Variants in SSC5D observed in about 807,000 individuals in gnomAD.
SSC5D encodes the protein scavenger receptor cysteine rich family member with 5 domains.
A neutral mutation model predicts 104.6 loss-of-function variants in SSC5D; 106 were observed. The observed-to-expected ratio is 1.01, with a 90% CI of 0.87 to 1.19. The LOEUF is 1.19. Among genes scored for constraint, SSC5D ranks in the 50% most tolerant of loss-of-function variants. SSC5D has a pLI of 0.00. For missense variants in SSC5D, 1,993 were observed against 2,153.8 expected, an observed-to-expected ratio of 0.93 and a Z score of 1.48; for synonymous variants, 860 against 883.5, an observed-to-expected ratio of 0.97 and a Z score of 0.47.
chr19:55,493,971 GCAA>G, intron 7 of SSC5D, 59 bp downstream of exon 7: 9 of 492,786 alleles, frequency 1.8e-5, no homozygotes, highest in South Asian at 8.7e-5. Flanking sequence ...GAGCGGAGGG[GCAA>G]GTTCGGCGGG....
At chr19:55,515,353 G>A (rs936403893) in intron 13 of SSC5D, among the ~76,000 whole-genome samples, 10 of 133,842 alleles carry the variant, frequency 7.5e-5, no homozygotes, top group African/African-American at 1.1e-4. Context: ...CCAAGATCGC[G>A]CCACTGCACT....
At position 55,500,035 on chromosome 19, in the gene SSC5D, A is replaced by C. The variant is rs1194231719; in HGVS notation, c.1925A>C (p.Gln642Pro). Residue 642 changes from glutamine to proline, a missense_variant, in exon 10 of 14, where the codon CAA (glutamine) becomes CCA (proline). By Grantham distance (76) the Gln-to-Pro change is moderately conservative (BLOSUM62 -1). This residue lies in a region of SSC5D where 1,101 missense variants were observed against 1,085.0 expected (regional missense o/e 1.01). Coordinates refer to ENST00000389623, the MANE Select transcript of SSC5D (RefSeq NM_001144950.2). The surrounding 1 kb of genome is among the most constrained non-coding windows in gnomAD (Gnocchi z 4.6). Reference sequence around the variant, plus strand: ...AAAAATGCAAAGAGACCAACCACTCAACCCCCAGTGATGCCAACCACGAAA... The same window carrying C: ...AAAAATGCAAAGAGACCAACCACTCCACCCCCAGTGATGCCAACCACGAAA... ...VTKNAKRPTT[Q>P]PPVMPTTKHS... 6.4e-7 allele frequency: 1 copy of C among 1,551,714 alleles called. No homozygotes were observed. Among genetic ancestry groups the C allele is most frequent in the East Asian group, 2.4e-5 (1 of 40,930 alleles).
chr19:55,511,890 G>A (rs146110307), intron 12 of SSC5D, among the ~76,000 whole-genome samples: 1,833 of 152,246 alleles, frequency 0.012, 38 homozygotes, highest in African/African-American at 0.041. Flanking sequence ...TTGATGATTC[G>A]GATAGGCAAT....
chr19:55,495,233 ATTTTTT>A (rs74181759), intron 8 of SSC5D, among the ~76,000 whole-genome samples: 33 of 50,646 alleles, frequency 6.5e-4, no homozygotes, highest in East Asian at 1.9e-3. Flanking sequence ...ATATATATAT[ATTTTTT>A]TTTTTTTTTT....
chr19:55,500,887 TG>T lies in SSC5D; in HGVS notation c.2617+85del. ...AGGGTGGGGCCAGGTGACGGCACCATGGTCGACTCTAAAGAACTGGGTATGA... is the reference window on the plus strand; with the variant it reads ...AGGGTGGGGCCAGGTGACGGCACCATGTCGACTCTAAAGAACTGGGTATGA... On this transcript the variant is annotated intron_variant, in intron 11 of 13. Transcript: ENST00000389623. This position sits in a 1 kb window ranked among gnomAD's most constrained non-coding sequence, Gnocchi z 4.6. The T allele has an allele frequency of 1.3e-6, 2 of 1,489,336 alleles. No homozygotes were observed. 92.3% of individuals were successfully genotyped at this position (1,489,336 alleles called of 1,614,324 possible).
chr19:55,499,650 G>A (rs1599920430), intron 9 of SSC5D, among the ~76,000 whole-genome samples, 166 bp from the exon 10 acceptor site: 1 of 152,172 alleles, frequency 6.6e-6, no homozygotes, highest in East Asian at 1.9e-4. Context: ...GGTCTAATAT[G>A]GTGTGTGGCT....
In SSC5D at chr19:55,517,294, C is replaced by G. The variant is rs1987893391; in HGVS notation, c.3018C>G (p.Thr1006=). Residue 1006 remains threonine, a synonymous_variant, in exon 14 of 14, where the codon ACC becomes ACG. Transcript: ENST00000389623. ...CTGCGACCAGGACAGCGCCCCCAACCCCGTCCCCAGGTCCCTCCGCCTCTC... is the reference window on the plus strand; with the variant it reads ...CTGCGACCAGGACAGCGCCCCCAACGCCGTCCCCAGGTCCCTCCGCCTCTC... ...RPAATRTAPP[T]PSPGPSASPG... 2.6e-6 allele frequency: 4 copies of G among 1,548,714 alleles called. No individual in the cohort carries two copies. The highest frequency in any genetic ancestry group is 3.5e-6 in the Non-Finnish European group (4 of 1,146,814).
chr19:55,493,524 C>A, intron 6 of SSC5D, 71 bp from the exon 7 acceptor site: 1 of 1,304,434 alleles, frequency 7.7e-7, no homozygotes, highest in Non-Finnish European at 1.0e-6. Flanking sequence ...TTGCAGCCTG[C>A]CTGAGCATAG....
chr19:55,513,067 C>T lies in SSC5D; in HGVS notation c.2842C>T (p.Leu948=). 1 of 1,551,804 alleles carries T rather than the reference C, an allele frequency of 6.4e-7. No homozygotes were observed. The highest frequency in any genetic ancestry group is 8.7e-7 in the Non-Finnish European group (1 of 1,146,976). Residue 948 remains leucine (L), a synonymous_variant, in exon 13 of 14, where the codon CTG becomes TTG. Transcript: ENST00000389623. ...WTWDTPSGRG[L]AEGTPTAGKL... ...GTGGGACACACCATCAGGAAGGGGCCTGGCTGAGGGGACCCCTACCGCAGG... is the reference window on the plus strand; with the variant it reads ...GTGGGACACACCATCAGGAAGGGGCTTGGCTGAGGGGACCCCTACCGCAGG...
At position 55,488,598 on chromosome 19, in the gene SSC5D, C is replaced by T. The variant is rs1987020814; in HGVS notation, c.9C>T (p.Val3=). The part of the protein sequence containing the change: MR[V]LACLLAALVG... ...CTGCCCTGGCTGCAACCATGAGGGTCTTGGCCTGCCTCCTTGGTGAGTGAT... is the reference window on the plus strand; with the variant it reads ...CTGCCCTGGCTGCAACCATGAGGGTTTTGGCCTGCCTCCTTGGTGAGTGAT... The change falls in exon 1 of 14, where the codon GTC becomes GTT. Residue 3 remains valine (V), a synonymous_variant. Transcript: ENST00000389623. 3.2e-6 allele frequency: 5 copies of T among 1,550,326 alleles called. No homozygotes were observed. The African/African-American group carries it at 6.9e-5, about 21-fold the overall frequency.
chr19:55,499,990 G>T lies in SSC5D; in HGVS notation c.1880G>T (p.Ser627Ile), dbSNP rs1298312649. Residue 627 changes from serine to isoleucine, a missense_variant, in exon 10 of 14, where the codon AGT becomes ATT. Physicochemically the swap from Ser to Ile is moderately radical, Grantham distance 142. Coordinates refer to ENST00000389623, the MANE Select transcript of SSC5D (RefSeq NM_001144950.2). ...TTKAPGKMPK[S>I]TKKWVTKNAK... Reference sequence around the variant, plus strand: ...AAGGCCCCAGGGAAAATGCCTAAGAGTACTAAGAAGTGGGTGACAAAAAAT... The same window carrying T: ...AAGGCCCCAGGGAAAATGCCTAAGATTACTAAGAAGTGGGTGACAAAAAAT... The T allele has an allele frequency of 1.9e-6, 3 of 1,551,866 alleles. No individual in the cohort carries two copies. In the South Asian group the frequency reaches 3.6e-5, roughly 18 times the overall value.
At chr19:55,490,489 C>T (rs1426804783) in intron 5 of SSC5D, 81 bp downstream of exon 5, 11 of 621,928 alleles carry the variant, frequency 1.8e-5, no homozygotes, top group Admixed American at 1.7e-4. Flanking sequence ...GACCTGCGGG[C>T]GCCCTCTCCT....
chr19:55,495,013 A>G (rs117757147), intron 8 of SSC5D, among the ~76,000 whole-genome samples: 361 of 151,704 alleles, frequency 2.4e-3, no homozygotes, highest in Non-Finnish European at 4.5e-3. Context: ...CAAGCCCCCA[A>G]AATTCTGTAG....
rs1987965548 is a variant in SSC5D at position 55,519,059 on chromosome 19, A to G, written c.*61A>G. ...AACCAAAAAAAACAAAAACAAAAAA[A>G]ACCCCCAAAGTATCTAATTAAAAAC... On this transcript the variant is annotated 3_prime_UTR_variant, in exon 14 of 14. Coordinates refer to ENST00000389623, the MANE Select transcript of SSC5D (RefSeq NM_001144950.2). 1 of 1,491,916 alleles carries G rather than the reference A, an allele frequency of 6.7e-7. No homozygotes were observed. The highest frequency in any genetic ancestry group is 1.4e-5 in the African/African-American group (1 of 70,014). 92.4% of individuals were successfully genotyped at this position (1,491,916 alleles called of 1,614,324 possible).
At position 55,503,521 on chromosome 19, in the gene SSC5D, C is replaced by T. The variant is rs890232364; in HGVS notation, c.2785+2320C>T. Among the ~76,000 whole-genome samples, 4 of 152,188 alleles carry T rather than the reference C, an allele frequency of 2.6e-5. No homozygotes were observed. The highest frequency in any genetic ancestry group is 1.9e-4 in the East Asian group (1 of 5,166). On this transcript the variant is annotated intron_variant, in intron 12 of 13. Transcript: ENST00000389623. This position sits in a 1 kb window ranked among gnomAD's most constrained non-coding sequence, Gnocchi z 4.0. ...CTCTCATGGTCAGCCCCCTTCCCTC[C>T]GTTTCTGTCTCCCGCGGGCTCCTCT...
Position 55,503,028 on chromosome 19 carries a change from T to G in SSC5D, c.2785+1827T>G, listed in dbSNP as rs1241065881. 3.9e-5 allele frequency among the ~76,000 whole-genome samples: 6 copies of G among 152,274 alleles called. No homozygotes were observed. Among genetic ancestry groups the G allele is most frequent in the Non-Finnish European group, 8.8e-5 (6 of 68,036 alleles). The stretch of plus-strand genomic sequence containing the variant: ...ACGGGTTTCACCATGTTGGCCAGGC[T>G]GGTCTCAAATTCCTGACCTCGTGAT... On this transcript the variant is annotated intron_variant, in intron 12 of 13. Transcript: ENST00000389623. This position sits in a 1 kb window ranked among gnomAD's most constrained non-coding sequence, Gnocchi z 4.0.
rs775673236 is a variant in SSC5D at position 55,489,415 on chromosome 19, C to T, written c.114C>T (p.Gly38=). ...GCAGRLEVWH[G]GRWGTVCDDG... ...CTGGCCGCCTGGAGGTCTGGCATGG[C>T]GGGCGCTGGGGCACCGTGTGTGATG... is the stretch of plus-strand genomic sequence containing the variant. Residue 38 remains glycine, a synonymous_variant, in exon 3 of 14, where the codon GGC becomes GGT. Coordinates refer to ENST00000389623, the MANE Select transcript of SSC5D (RefSeq NM_001144950.2). The T allele has an allele frequency of 1.6e-4, 245 of 1,490,314 alleles. No individual in the cohort carries two copies. Among genetic ancestry groups the T allele is most frequent in the Non-Finnish European group, 2.1e-4 (232 of 1,127,276 alleles). 92.3% of individuals were successfully genotyped at this position (1,490,314 alleles called of 1,614,324 possible). A position where few individuals can be genotyped will look rare whatever the true frequency, so the allele number is the denominator to read the frequency against.
Position 55,500,581 on chromosome 19 carries a change from T to C in SSC5D, c.2394T>C (p.Asp798=), listed in dbSNP as rs1408046787. ...WHAGRWGTVC[D]DNWDLRDATV... ...CCGGACGCTGGGGAACAGTGTGTGA[T>C]GACAACTGGGACCTGCGGGACGCCA... Residue 798 remains aspartate, a synonymous_variant, in exon 11 of 14, where the codon GAT becomes GAC. Coordinates refer to ENST00000389623, the MANE Select transcript of SSC5D (RefSeq NM_001144950.2). This position sits in a 1 kb window ranked among gnomAD's most constrained non-coding sequence, Gnocchi z 4.6. 6.4e-7 allele frequency: 1 copy of C among 1,551,668 alleles called. No individual in the cohort carries two copies. Among genetic ancestry groups the C allele is most frequent in the Non-Finnish European group, 8.7e-7 (1 of 1,146,972 alleles).
chr19:55,491,186 C>A, intron 6 of SSC5D, 106 bp downstream of exon 6: 1 of 1,287,976 alleles, frequency 7.8e-7, no homozygotes. Context: ...TGCCTCCTGC[C>A]CGCCTGCTCT....
Sources: allele counts gnomAD v4.1 joint callset (sites outside exome capture counted in the v4.1 genomes callset), GRCh38; gene constraint gnomAD v4.1.1; regional missense constraint gnomAD v4.1.1; non-coding constraint Gnocchi (gnomAD v3.1); transcripts MANE v1.5; gene names NCBI Gene and HGNC (gene_info 2026-07-23, HGNC 2026-07-21).